SCN1B: variants seen among roughly 807,000 people sequenced by gnomAD.
The protein encoded by SCN1B is sodium voltage-gated channel beta subunit 1.
SCN1B carries 11 observed loss-of-function variants against 25.7 expected under a neutral mutation model. That is an observed-to-expected ratio of 0.43 (90% CI 0.27 to 0.71). The LOEUF is 0.71. Among genes scored for constraint, SCN1B ranks in the 30% least tolerant of loss-of-function variants. SCN1B has a pLI of 0.21. For synonymous variants in SCN1B, 119 were observed against 117.5 expected (o/e 1.01, Z -0.08); for missense variants, 224 against 291.5 (o/e 0.77, Z 1.69).
At position 35,032,136 on chromosome 19, in the gene SCN1B, C is replaced by G. The variant is rs2064217688; in HGVS notation, c.41-392C>G. ...CTGCCACCTTAAACTTCTAACTTAGCTGGAATTCTCATTCTACCACCTAGA... is the reference window on the plus strand; with the variant it reads ...CTGCCACCTTAAACTTCTAACTTAGGTGGAATTCTCATTCTACCACCTAGA... On this transcript the variant is annotated intron_variant, in intron 1 of 5. Coordinates refer to ENST00000262631, the MANE Select transcript of SCN1B (RefSeq NM_001037.5). The surrounding 1 kb of genome is among the most constrained non-coding windows in gnomAD (Gnocchi z 4.3). Among the ~76,000 whole-genome samples, 1 of 152,104 alleles carries G rather than the reference C, an allele frequency of 6.6e-6. No homozygotes were observed. Among genetic ancestry groups the G allele is most frequent in the African/African-American group, 2.4e-5 (1 of 41,396 alleles).
At position 35,034,093 on chromosome 19, in the gene SCN1B, G is replaced by A. The variant is rs752552401; in HGVS notation, c.448+354G>A. 3.5e-5 allele frequency: 54 copies of A among 1,551,584 alleles called. No homozygotes were observed. The South Asian group carries it at 5.9e-4, about 17-fold the overall frequency. On this transcript the variant is annotated intron_variant, in intron 3 of 5. Coordinates refer to ENST00000262631, the MANE Select transcript of SCN1B (RefSeq NM_001037.5). ...AATCCGATGTGTTTCTCGGGGTGTG[G>A]TTTGAGCCATTCTTCCATCATGGGG...
chr19:35,033,270 C>T (rs547815960), intron 2 of SCN1B, among the ~76,000 whole-genome samples: 2 of 152,016 alleles, frequency 1.3e-5, no homozygotes, highest in South Asian at 2.1e-4. Context: ...GACTGAGGAA[C>T]GTGTGTGTGC....
In SCN1B at chr19:35,032,443, G is replaced by C. The variant is rs932730921; in HGVS notation, c.41-85G>C. ...AGTCCTGTCTGCTGGTAATCATTGA[G>C]GGGGGAACAGATGGTTTGTGAGGGG... is the stretch of plus-strand genomic sequence containing the variant. On this transcript the variant is annotated intron_variant, in intron 1 of 5. Coordinates refer to ENST00000262631, the MANE Select transcript of SCN1B (RefSeq NM_001037.5). The surrounding 1 kb of genome is among the most constrained non-coding windows in gnomAD (Gnocchi z 4.3). 1.3e-5 allele frequency: 20 copies of C among 1,511,460 alleles called. No individual in the cohort carries two copies. Among genetic ancestry groups the C allele is most frequent in the Admixed American group, 1.7e-5 (1 of 59,562 alleles). 93.6% of individuals were successfully genotyped at this position (1,511,460 alleles called of 1,614,324 possible). A position where few individuals can be genotyped will look rare whatever the true frequency, so the allele number is the denominator to read the frequency against.
chr19:35,033,836 C>T lies in SCN1B; in HGVS notation c.448+97C>T, dbSNP rs755927212. ...GTGGACAGGACAGGCTGGCTCTGTGCCTGGCCAGCCAACCGCCCACAGCAG... is the reference window on the plus strand; with the variant it reads ...GTGGACAGGACAGGCTGGCTCTGTGTCTGGCCAGCCAACCGCCCACAGCAG... On this transcript the variant is annotated intron_variant, in intron 3 of 5. Transcript: ENST00000262631. 6 of 1,611,906 alleles carry T rather than the reference C, an allele frequency of 3.7e-6. No individual in the cohort carries two copies. In the East Asian group the frequency reaches 1.1e-4, roughly 30 times the overall value.
intron 4 of SCN1B, 121 bp from the exon 5 acceptor site, chr19:35,039,514 C>T: frequency 9.2e-7 from 1 of 1,089,092 alleles, no homozygotes; most frequent in Non-Finnish European, 1.4e-6. Flanking sequence ...CCATAGACTC[C>T]TTCTCTCTCT....
At chr19:35,033,342 C>A (rs1474546488) in intron 2 of SCN1B, among the ~76,000 whole-genome samples, 157 bp from the exon 3 acceptor site, 1 of 151,932 alleles carries the variant, frequency 6.6e-6, no homozygotes, top group Non-Finnish European at 1.5e-5. Flanking sequence ...TGATCCTAGC[C>A]CCCCACCCCT....
At position 35,030,678 on chromosome 19, in the gene SCN1B, TC is replaced by T; in HGVS notation, c.-137del. ...AGCGGGGGGGCCGCGCCCCCCCTCC[TC>T]CCCCCTCGCCGGTCCCAGAGCCGCA... On this transcript the variant is annotated 5_prime_UTR_variant, in exon 1 of 6. Coordinates refer to ENST00000262631, the MANE Select transcript of SCN1B (RefSeq NM_001037.5). 1 of 157,432 alleles carries T rather than the reference TC, an allele frequency of 6.4e-6. No individual in the cohort carries two copies. The highest frequency in any genetic ancestry group is 1.3e-5 in the Non-Finnish European group (1 of 74,804). The allele number at this position is 157,432 out of a possible 1,614,324, so 9.8% of individuals were successfully genotyped here.
At position 35,040,168 on chromosome 19, in the gene SCN1B, C is replaced by T. The variant is rs376707835; in HGVS notation, c.*377C>T. The T allele has an allele frequency of 2.9e-4, 50 of 172,616 alleles. 2 individuals carry two copies. The East Asian group carries it at 6.9e-3, about 24-fold the overall frequency. The allele number at this position is 172,616 out of a possible 1,614,324, so 10.7% of individuals were successfully genotyped here. A position where few individuals can be genotyped will look rare whatever the true frequency, so the allele number is the denominator to read the frequency against. On this transcript the variant is annotated 3_prime_UTR_variant, in exon 6 of 6. Coordinates refer to ENST00000262631, the MANE Select transcript of SCN1B (RefSeq NM_001037.5). The stretch of plus-strand genomic sequence containing the variant: ...CGCACTTCTGGGGCCAGCCCCTCCC[C>T]GCCTCCTCCCTGCCTGGCGGCAGGG...
In SCN1B at chr19:35,034,067, T is replaced by C. The variant is rs1366608878; in HGVS notation, c.448+328T>C. ...GTTGTCCTGGGCTTGCCCGGGATAA[T>C]AATCCGATGTGTTTCTCGGGGTGTG... On this transcript the variant is annotated intron_variant, in intron 3 of 5. Coordinates refer to ENST00000262631, the MANE Select transcript of SCN1B (RefSeq NM_001037.5). The C allele has an allele frequency of 1.3e-6, 2 of 1,551,258 alleles. No individual in the cohort carries two copies. Among genetic ancestry groups the C allele is most frequent in the Non-Finnish European group, 1.7e-6 (2 of 1,146,684 alleles).
chr19:35,033,107 G>A (rs1166960570), intron 2 of SCN1B, among the ~76,000 whole-genome samples: 1 of 152,124 alleles, frequency 6.6e-6, no homozygotes, highest in Non-Finnish European at 1.5e-5. Flanking sequence ...ATATATCGGT[G>A]AGGGAACCAT....
rs2064217699 is a variant in SCN1B at position 35,032,142 on chromosome 19, T to C, written c.41-386T>C. Among the ~76,000 whole-genome samples the C allele has an allele frequency of 1.3e-5, 2 of 152,130 alleles. No individual in the cohort carries two copies. The highest frequency in any genetic ancestry group is 1.3e-4 in the Admixed American group (2 of 15,272). ...CCTTAAACTTCTAACTTAGCTGGAA[T>C]TCTCATTCTACCACCTAGATGCTTG... On this transcript the variant is annotated intron_variant, in intron 1 of 5. Coordinates refer to ENST00000262631, the MANE Select transcript of SCN1B (RefSeq NM_001037.5). This position sits in a 1 kb window ranked among gnomAD's most constrained non-coding sequence, Gnocchi z 4.3.
chr19:35,034,139 G>T, intron 3 of SCN1B: 6 of 1,551,138 alleles, frequency 3.9e-6, no homozygotes, highest in Non-Finnish European at 5.2e-6. Context: ...TTGAGCAGCT[G>T]CAGGCACACG....
chr19:35,030,729 G>T lies in SCN1B; in HGVS notation c.-92G>T. The T allele has an allele frequency of 2.5e-6, 1 of 405,156 alleles. No individual in the cohort carries two copies. 25.1% of individuals were successfully genotyped at this position (405,156 alleles called of 1,614,324 possible). On this transcript the variant is annotated 5_prime_UTR_variant, in exon 1 of 6. Coordinates refer to ENST00000262631, the MANE Select transcript of SCN1B (RefSeq NM_001037.5). Reference sequence around the variant, plus strand: ...AGCTGCTGCGCCCGCGCGCTCCCGGGGACATTCTAACCGCCGCCAGGTCCC... The same window carrying T: ...AGCTGCTGCGCCCGCGCGCTCCCGGTGACATTCTAACCGCCGCCAGGTCCC...
rs764636927 is a variant in SCN1B, at chr19:35,039,721, C to G, written c.*5+15C>G. ...GAATAGCCCTGGTAAGGCGGATGGG[C>G]TGGCAGAGGGGAAGGGGATTGGGAG... is the stretch of plus-strand genomic sequence containing the variant. On this transcript the variant is annotated intron_variant, in intron 5 of 5. Transcript: ENST00000262631. 6.2e-7 allele frequency: 1 copy of G among 1,613,664 alleles called. No individual in the cohort carries two copies.
At chr19:35,039,732 G>C in intron 5 of SCN1B, 26 bp downstream of exon 5, 2 of 1,612,108 alleles carry the variant, frequency 1.2e-6, no homozygotes, top group Non-Finnish European at 1.7e-6. Flanking sequence ...TGGCAGAGGG[G>C]AAGGGGATTG....
rs775659068 is a variant in SCN1B at position 35,039,214 on chromosome 19, C to T, written c.546C>T (p.Tyr182=). The T allele has an allele frequency of 2.1e-5, 34 of 1,614,004 alleles. No individual in the cohort carries two copies. The highest frequency in any genetic ancestry group is 2.7e-5 in the Non-Finnish European group (32 of 1,180,042). ...IWLVAEMIYC[Y]KKIAAATETA... is the part of the protein sequence containing the mutation. ...TCGTGGCAGAGATGATTTACTGCTA[C>T]AAGAAGATCGCTGCCGCCACGGAGA... Residue 182 remains tyrosine (Y), a synonymous_variant, in exon 4 of 6, where the codon TAC becomes TAT. Coordinates refer to ENST00000262631, the MANE Select transcript of SCN1B (RefSeq NM_001037.5).
chr19:35,030,793 A>AGGG lies in SCN1B; in HGVS notation c.-24_-22dup. The AGGG allele has an allele frequency of 1.0e-6, 1 of 987,992 alleles. No individual in the cohort carries two copies. The highest frequency in any genetic ancestry group is 1.3e-6 in the Non-Finnish European group (1 of 763,208). The allele number at this position is 987,992 out of a possible 1,614,324, so 61.2% of individuals were successfully genotyped here. ...CCGCTATTAATACCGGCGGCCCGGG[A>AGGG]GGGGGGCGCAGCACGCGCCGCGCAG... On this transcript the variant is annotated 5_prime_UTR_variant, in exon 1 of 6. Coordinates refer to ENST00000262631, the MANE Select transcript of SCN1B (RefSeq NM_001037.5).
intron 3 of SCN1B, chr19:35,037,563 C>G (rs2064256202): frequency 6.6e-6 from 1 of 152,132 alleles, no homozygotes; most frequent in South Asian, 2.1e-4. Flanking sequence ...ATCCTTGAGG[C>G]TTTCCGAGGC....
chr19:35,039,703 C>T lies in SCN1B; in HGVS notation c.*2C>T. On this transcript the variant is annotated 3_prime_UTR_variant, in exon 5 of 6. Coordinates refer to ENST00000262631, the MANE Select transcript of SCN1B (RefSeq NM_001037.5). ...ACGGGCGTCCAGGTGGCCGAATAGC[C>T]CTGGTAAGGCGGATGGGCTGGCAGA... 2 of 1,614,142 alleles carry T rather than the reference C, an allele frequency of 1.2e-6. No homozygotes were observed. The highest frequency in any genetic ancestry group is 1.7e-6 in the Non-Finnish European group (2 of 1,179,996).
Sources: allele counts gnomAD v4.1 joint callset (sites outside exome capture counted in the v4.1 genomes callset), GRCh38; gene constraint gnomAD v4.1.1; non-coding constraint Gnocchi (gnomAD v3.1); transcripts MANE v1.5; gene names NCBI Gene and HGNC (gene_info 2026-07-23, HGNC 2026-07-21).